COL16A1: variants seen among roughly 807,000 people sequenced by gnomAD.
The protein encoded by COL16A1 is collagen alpha-1(XVI) chain.
A neutral mutation model predicts 266.3 loss-of-function variants in COL16A1; 189 were observed. The ratio of observed to expected loss-of-function variants is 0.71; its 90% confidence interval spans 0.63 to 0.80. COL16A1 has a LOEUF of 0.80. Ranked by LOEUF, COL16A1 falls within the 30% of genes least tolerant of loss-of-function variation. The pLI, the probability that COL16A1 is intolerant of heterozygous loss-of-function variation, is 0.00. For missense variants in COL16A1, 1,928 were observed against 2,122.4 expected, an observed-to-expected ratio of 0.91 and a Z score of 1.80; for synonymous variants, 740 against 782.3, an observed-to-expected ratio of 0.95 and a Z score of 0.90.
At chr1:31,680,511 C>T (rs1001649531) in intron 39 of COL16A1, among the ~76,000 whole-genome samples, 1 of 152,194 alleles carries the variant, frequency 6.6e-6, no homozygotes, top group African/African-American at 2.4e-5. Flanking sequence ...TCGGGAGCCC[C>T]TCACCTCTCT....
intron 61 of COL16A1, 97 bp downstream of exon 61, chr1:31,660,969 G>T: frequency 7.4e-7 from 1 of 1,353,294 alleles, no homozygotes; most frequent in Non-Finnish European, 1.0e-6. Flanking sequence ...ACAGAAAGCA[G>T]CCACTTTGCC....
chr1:31,665,407 G>A, intron 55 of COL16A1, 173 bp from the exon 56 acceptor site: 1 of 1,412,674 alleles, frequency 7.1e-7, no homozygotes. Flanking sequence ...GCCCACACAA[G>A]AGGCTGGGCT....
At chr1:31,701,984 C>G in intron 2 of COL16A1, 137 bp downstream of exon 2, 1 of 1,369,854 alleles carries the variant, frequency 7.3e-7, no homozygotes, top group Non-Finnish European at 1.0e-6. Flanking sequence ...CCTCAGATCA[C>G]CCTGAGCCCA....
chr1:31,680,476 C>T (rs915439031), intron 39 of COL16A1, among the ~76,000 whole-genome samples: 1 of 152,174 alleles, frequency 6.6e-6, no homozygotes, highest in African/African-American at 2.4e-5. Flanking sequence ...TCCTCTGGGC[C>T]CAGCCTGGCT....
At chr1:31,692,868 T>C in intron 13 of COL16A1, 60 bp from the exon 14 acceptor site, 1 of 1,523,766 alleles carries the variant, frequency 6.6e-7, no homozygotes, top group Non-Finnish European at 9.1e-7. Context: ...CCTAGATGTG[T>C]TGTGAGGAGG....
intron 66 of COL16A1, chr1:31,655,793 T>C: frequency 2.3e-6 from 1 of 428,850 alleles, no homozygotes; most frequent in Non-Finnish European, 4.2e-6. Flanking sequence ...TGATCGTTCC[T>C]TCCTCAGCCT....
rs758544398 is a variant in COL16A1, at chr1:31,668,212, G to A, written c.3256C>T (p.Pro1086Ser). Reference protein sequence around the residue: ...LTGDKGEPGPPGQPGYPGATG... With the variant: ...LTGDKGEPGPSGQPGYPGATG... The stretch of plus-strand genomic sequence containing the variant: ...GCACCTGGGTAACCTGGTTGCCCTG[G>A]AGGACCCTGCAAAGAAAGGCAGACA... The change falls in exon 51 of 71, where the codon CCA (proline) becomes TCA (serine). Residue 1086 changes from proline (P) to serine (S), a missense_variant. Physicochemically the swap from Pro to Ser is moderately conservative, Grantham distance 74. Around this residue, in one of 2 missense-constraint regions of COL16A1, gnomAD observed 1,552 missense variants for 1,637.2 expected, o/e 0.95. Transcript: ENST00000373672. The surrounding 1 kb of genome is among the most constrained non-coding windows in gnomAD (Gnocchi z 5.8). 1 of 1,613,516 alleles carries A rather than the reference G, an allele frequency of 6.2e-7. No individual in the cohort carries two copies. The highest frequency in any genetic ancestry group is 1.7e-5 in the Admixed American group (1 of 59,976).
rs758352119 is a variant in COL16A1, at chr1:31,695,168, C to T, written c.981+18G>A. 3 of 1,613,646 alleles carry T rather than the reference C, an allele frequency of 1.9e-6. No individual in the cohort carries two copies. The highest frequency in any genetic ancestry group is 1.7e-6 in the Non-Finnish European group (2 of 1,179,840). The stretch of plus-strand genomic sequence containing the variant: ...CGGCTCTTGCCCGCTCCACCCTGCA[C>T]ACCCTCCATTCACTCACATTGCTGT... On this transcript the variant is annotated intron_variant, in intron 11 of 70. Transcript: ENST00000373672.
intron 31 of COL16A1, 54 bp from the exon 32 acceptor site, chr1:31,684,285 C>T: frequency 6.9e-7 from 1 of 1,451,064 alleles, no homozygotes; most frequent in Non-Finnish European, 9.1e-7. Flanking sequence ...GGCACCCAGG[C>T]CAGGACGCCC....
At chr1:31,673,007 A>G (rs1416525125) in intron 44 of COL16A1, 167 bp from the exon 45 acceptor site, 1 of 713,728 alleles carries the variant, frequency 1.4e-6, no homozygotes, top group East Asian at 2.7e-5. Context: ...GCTTTGCTCC[A>G]TCCTCGGGGG....
At chr1:31,699,773 G>A (rs929740412) in intron 4 of COL16A1, 40 bp downstream of exon 4, 8 of 1,278,142 alleles carry the variant, frequency 6.3e-6, no homozygotes, top group Non-Finnish European at 1.1e-6. Flanking sequence ...GTGTGGCTGA[G>A]GTCAGTGTTG....
chr1:31,671,886 C>A (rs1250359182), intron 47 of COL16A1, among the ~76,000 whole-genome samples: 1 of 152,218 alleles, frequency 6.6e-6, no homozygotes, highest in African/African-American at 2.4e-5. Context: ...AGTCCAGGGG[C>A]TAGGATCACA....
chr1:31,662,713 TG>T, intron 56 of COL16A1, 55 bp from the exon 57 acceptor site: 1 of 1,347,136 alleles, frequency 7.4e-7, no homozygotes, highest in Admixed American at 2.4e-5. Context: ...AGCAGGGCTT[TG>T]CCCCACCCAT....
Position 31,656,201 on chromosome 1 carries a change from G to T in COL16A1, c.4101+199C>A. The T allele has an allele frequency of 1.3e-6, 1 of 784,706 alleles. No homozygotes were observed. Among genetic ancestry groups the T allele is most frequent in the Non-Finnish European group, 2.0e-6 (1 of 493,180 alleles). The allele number at this position is 784,706 out of a possible 1,614,324, so 48.6% of individuals were successfully genotyped here. On this transcript the variant is annotated intron_variant, in intron 66 of 70. Coordinates refer to ENST00000373672, the MANE Select transcript of COL16A1 (RefSeq NM_001856.4). The surrounding 1 kb of genome is among the most constrained non-coding windows in gnomAD (Gnocchi z 4.2). ...CAGTCAATCAGTGAGTAAATGAACT[G>T]GAGATTTCCTTCCCCCCAACCACAG...
At position 31,698,421 on chromosome 1, in the gene COL16A1, G is replaced by T. The variant is rs1644591357; in HGVS notation, c.390+62C>A. The T allele has an allele frequency of 6.2e-7, 1 of 1,603,220 alleles. No homozygotes were observed. Among genetic ancestry groups the T allele is most frequent in the Non-Finnish European group, 8.5e-7 (1 of 1,173,588 alleles). ...CCAGAAGTCACAAGCCGGGATGAAA[G>T]GTGGGCTGGACTGGTGCTACCCAAT... On this transcript the variant is annotated intron_variant, in intron 5 of 70. Coordinates refer to ENST00000373672, the MANE Select transcript of COL16A1 (RefSeq NM_001856.4). The surrounding 1 kb of genome is among the most constrained non-coding windows in gnomAD (Gnocchi z 4.1).
chr1:31,693,122 T>G lies in COL16A1; in HGVS notation c.1041A>C (p.Pro347=). 6.2e-7 allele frequency: 1 copy of G among 1,612,386 alleles called. No homozygotes were observed. Among genetic ancestry groups the G allele is most frequent in the South Asian group, 1.1e-5 (1 of 91,010 alleles). Residue 347 remains proline, a synonymous_variant, in exon 13 of 71, where the codon CCA becomes CCC. Coordinates refer to ENST00000373672, the MANE Select transcript of COL16A1 (RefSeq NM_001856.4). Reference sequence around the variant, plus strand: ...CTCCCTTCTCTCCCTTGGAGCCTGGTGGACCAGGCAGGCCCCGCTCACCTT... The same window carrying G: ...CTCCCTTCTCTCCCTTGGAGCCTGGGGGACCAGGCAGGCCCCGCTCACCTT... ...GGKGERGLPG[P]PGSKGEKGAR...
intron 21 of COL16A1, 44 bp downstream of exon 21, chr1:31,690,485 C>G: frequency 6.2e-7 from 1 of 1,614,156 alleles, no homozygotes; most frequent in Non-Finnish European, 8.5e-7. Flanking sequence ...CCTCCAGAGG[C>G]CTTGGAAGAG....
chr1:31,681,255 G>C (rs927465203), intron 37 of COL16A1, among the ~76,000 whole-genome samples, 188 bp from the exon 38 acceptor site: 1 of 152,260 alleles, frequency 6.6e-6, no homozygotes, highest in South Asian at 2.1e-4. Context: ...CATTTCCTGA[G>C]CACGTCTCAG....
At position 31,695,751 on chromosome 1, in the gene COL16A1, G is replaced by A; in HGVS notation, c.945+10C>T. 2 of 1,613,656 alleles carry A rather than the reference G, an allele frequency of 1.2e-6. No individual in the cohort carries two copies. The highest frequency in any genetic ancestry group is 1.7e-6 in the Non-Finnish European group (2 of 1,179,842). Reference sequence around the variant, plus strand: ...CACCTCCCCTGCTGCCAGTCCACTGGGAGGCTTACCTCATCGGCTGCTGTC... The same window carrying A: ...CACCTCCCCTGCTGCCAGTCCACTGAGAGGCTTACCTCATCGGCTGCTGTC... On this transcript the variant is annotated intron_variant, in intron 10 of 70. Transcript: ENST00000373672.
Sources: gnomAD v4.1 joint callset for allele counts (sites outside exome capture counted in the v4.1 genomes callset) on GRCh38, gnomAD v4.1.1 for gene constraint, gnomAD v4.1.1 regional missense constraint, Gnocchi (gnomAD v3.1) non-coding constraint, MANE v1.5 for transcripts, NCBI Gene and HGNC (gene_info 2026-07-23, HGNC 2026-07-21) for gene names.